LINGO1: variants seen among roughly 807,000 people sequenced by gnomAD.
LINGO1 encodes the protein leucine rich repeat and Ig domain containing 1, also known as leucine-rich repeat and immunoglobulin-like domain-containing nogo receptor-interacting protein 1.
Under a neutral mutation model 37.3 loss-of-function variants are expected in LINGO1, and 11 were observed. The observed-to-expected ratio is 0.29, with a 90% CI of 0.19 to 0.49. LINGO1 has a LOEUF of 0.49. Among genes scored for constraint, LINGO1 ranks in the 20% least tolerant of loss-of-function variants. LINGO1 has a pLI of 0.99. For synonymous variants in LINGO1, 387 were observed against 403.0 expected (o/e 0.96, Z 0.48); for missense variants, 585 against 878.2 (o/e 0.67, Z 4.22).
chr15:77,810,343 CAT>C (rs1188539572), intron 1 of LINGO1, among the ~76,000 whole-genome samples: 5 of 138,496 alleles, frequency 3.6e-5, no homozygotes, highest in African/African-American at 8.3e-5. Context: ...CACACACACA[CAT>C]GCACACACAC....
At chr15:77,781,376 G>C in intron 1 of LINGO1, among the ~76,000 whole-genome samples, 1 of 152,258 alleles carries the variant, frequency 6.6e-6, no homozygotes, top group East Asian at 1.9e-4. Context: ...GTGGGGATCT[G>C]AGCTGGGCTC....
At chr15:77,634,846 G>A (rs2074364168), upstream of LINGO1, among the ~76,000 whole-genome samples, 1 of 150,586 alleles carries the variant, frequency 6.6e-6, no homozygotes, top group Non-Finnish European at 1.5e-5. Flanking sequence ...AGGAATAGAC[G>A]CTCGCTGGCT....
intron 3 of LINGO1, among the ~76,000 whole-genome samples, chr15:77,669,629 G>C (rs1321649908): frequency 6.6e-6 from 1 of 152,214 alleles, no homozygotes; most frequent in African/African-American, 2.4e-5. Flanking sequence ...ACTGCTCCCA[G>C]GGTCAGGAGC....
At chr15:77,735,483 T>C (rs1468755253) in intron 1 of LINGO1, among the ~76,000 whole-genome samples, 1 of 152,224 alleles carries the variant, frequency 6.6e-6, no homozygotes, top group Admixed American at 6.5e-5. Context: ...ACAGAGGAGC[T>C]GGTGGGAAGG....
rs113030781 is a variant in LINGO1, at chr15:77,731,874, C to T, written c.-195+3118G>A. ...ATCCCTGGCAGCCCTCAGTAACTGA[C>T]ACCCAGAGGGAGACAGCAGGGAAGA... On this transcript the variant is annotated intron_variant, in intron 2 of 3. Transcript: ENST00000561686. 9.3e-3 allele frequency among the ~76,000 whole-genome samples: 1,413 copies of T among 152,298 alleles called. 27 individuals carry two copies. Among genetic ancestry groups the T allele is most frequent in the African/African-American group, 0.033 (1,370 of 41,556 alleles).
intron 1 of LINGO1, among the ~76,000 whole-genome samples, chr15:77,768,691 G>A (rs2076554470): frequency 6.6e-6 from 1 of 152,074 alleles, no homozygotes. Flanking sequence ...CCTACCTCCC[G>A]ACTCTGTCTC....
upstream of LINGO1, among the ~76,000 whole-genome samples, chr15:77,638,144 G>A (rs1426227640): frequency 6.6e-6 from 1 of 152,226 alleles, no homozygotes; most frequent in Admixed American, 6.5e-5. Flanking sequence ...GCAGAGAAAT[G>A]AGGTCTGGGC....
chr15:77,687,293 G>C (rs2075528192), intron 2 of LINGO1, among the ~76,000 whole-genome samples: 1 of 152,128 alleles, frequency 6.6e-6, no homozygotes, highest in South Asian at 2.1e-4. Flanking sequence ...TGTAAAACCA[G>C]GATCAAAGTT....
At chr15:77,643,211 T>C (rs1454403898) in intron 3 of LINGO1, among the ~76,000 whole-genome samples, 2 of 152,198 alleles carry the variant, frequency 1.3e-5, no homozygotes, top group Admixed American at 1.3e-4. Flanking sequence ...CCTGGTCAGA[T>C]AGGGGATGGA....
At chr15:77,710,341 G>A (rs1174269164) in intron 2 of LINGO1, among the ~76,000 whole-genome samples, 1 of 152,254 alleles carries the variant, frequency 6.6e-6, no homozygotes, top group Non-Finnish European at 1.5e-5. Flanking sequence ...AGCGGCAGAG[G>A]GACGTGAGGA....
At chr15:77,759,424 G>C (rs1162021228) in intron 1 of LINGO1, among the ~76,000 whole-genome samples, 1 of 152,236 alleles carries the variant, frequency 6.6e-6, no homozygotes, top group Non-Finnish European at 1.5e-5. Context: ...CTCGGTCCAA[G>C]TGGGCCTGAG....
chr15:77,614,395 G>A lies in LINGO1; in HGVS notation c.1512C>T (p.Gly504=). 1.2e-6 allele frequency: 2 copies of A among 1,613,270 alleles called. No individual in the cohort carries two copies. The highest frequency in any genetic ancestry group is 1.7e-6 in the Non-Finnish European group (2 of 1,179,802). ...GCAGGTGGGCGGGCATGGAGTCGTTGCCGCCCGCGTTGGCCGCGATGCACA... is the reference window on the plus strand; with the variant it reads ...GCAGGTGGGCGGGCATGGAGTCGTTACCGCCCGCGTTGGCCGCGATGCACA... ...TYLCIAANAG[G]NDSMPAHLHV... Residue 504 remains glycine, a synonymous_variant, in exon 2 of 2, where the codon GGC becomes GGT. Transcript: ENST00000355300.
intron 3 of LINGO1, among the ~76,000 whole-genome samples, chr15:77,671,389 T>C (rs1165840786): frequency 6.6e-6 from 1 of 151,822 alleles, no homozygotes; most frequent in Admixed American, 6.6e-5. Context: ...TGGGGCGAGA[T>C]GGAGAGGAAG....
At chr15:77,625,676 A>C (rs933238837) in intron 1 of LINGO1, among the ~76,000 whole-genome samples, 3 of 152,136 alleles carry the variant, frequency 2.0e-5, no homozygotes, top group Non-Finnish European at 4.4e-5. Flanking sequence ...ACCTTGCCTA[A>C]AGTCCCGCAG....
At chr15:77,683,242 T>TG (rs1031174634) in intron 2 of LINGO1, among the ~76,000 whole-genome samples, 4 of 152,158 alleles carry the variant, frequency 2.6e-5, no homozygotes, top group Admixed American at 1.3e-4. Flanking sequence ...GAGGATGGTA[T>TG]GGGGAAATGG....
chr15:77,664,170 T>TGTGTGTGTGTGTGTGTGCGTGCGCGCGC, intron 3 of LINGO1, among the ~76,000 whole-genome samples: 1 of 131,010 alleles, frequency 7.6e-6, no homozygotes, highest in African/African-American at 3.7e-5. Flanking sequence ...TGTGTGTGTG[T>TGTGTGTGTGTGTGTGTGCGTGCGCGCGC]GCGCGCGCGC....
chr15:77,679,066 A>G (rs1165337257), intron 2 of LINGO1, among the ~76,000 whole-genome samples: 1 of 151,926 alleles, frequency 6.6e-6, no homozygotes, highest in Non-Finnish European at 1.5e-5. Context: ...ACACCCAGCT[A>G]ATTTTTGTAT....
At chr15:77,641,679 C>A in intron 3 of LINGO1, 1 of 363,916 alleles carries the variant, frequency 2.7e-6, no homozygotes, top group South Asian at 2.0e-5. Context: ...CCTGACTGGC[C>A]CCACACCCCG....
At chr15:77,751,567 G>A (rs549630609) in intron 1 of LINGO1, among the ~76,000 whole-genome samples, 1 of 152,232 alleles carries the variant, frequency 6.6e-6, no homozygotes, top group Non-Finnish European at 1.5e-5. Flanking sequence ...CCCATCCCTG[G>A]AGGGCTTCCT....
Sources: allele counts gnomAD v4.1 joint callset (sites outside exome capture counted in the v4.1 genomes callset), GRCh38; gene constraint gnomAD v4.1.1; transcripts MANE v1.5; gene names NCBI Gene and HGNC (gene_info 2026-07-23, HGNC 2026-07-21).